The following TUBGCP6 variants were observed in gnomAD, a reference collection of about 807,000 sequenced individuals.
TUBGCP6 encodes gamma-tubulin complex component 6.
A neutral mutation model predicts 175.8 loss-of-function variants in TUBGCP6; 161 were observed. That is an observed-to-expected ratio of 0.92 (90% CI 0.81 to 1.04). TUBGCP6 has a LOEUF of 1.04. TUBGCP6 is among the 50% of genes least tolerant of loss of function. The probability of loss-of-function intolerance (pLI) is 0.00; values close to 1 mark genes in which losing one functional copy is unlikely to be tolerated. For missense variants in TUBGCP6, 2,572 were observed against 2,433.0 expected (o/e 1.06, Z -1.20); for synonymous variants, 1,173 against 1,030.5 (o/e 1.14, Z -2.65).
chr22:50,218,239 C>T lies in TUBGCP6; in HGVS notation c.5118G>A (p.Leu1706=), dbSNP rs1336230580. 5 of 1,612,848 alleles carry T rather than the reference C, an allele frequency of 3.1e-6. No individual in the cohort carries two copies. The highest frequency in any genetic ancestry group is 2.5e-6 in the Non-Finnish European group (3 of 1,179,956). ...CTGCGTGCGCACGCTGGATCTCCTCCAGGTCGCCCACGGTGGCCAACCTGG... is the reference window on the plus strand; with the variant it reads ...CTGCGTGCGCACGCTGGATCTCCTCTAGGTCGCCCACGGTGGCCAACCTGG... ...FRARLATVGD[L]EEIQRAHAEY... The change falls in exon 23 of 25, where the codon CTG becomes CTA. Residue 1706 remains leucine (L), a synonymous_variant. Transcript: ENST00000248846.
At chr22:50,231,905 A>T (rs543750582) in intron 3 of TUBGCP6, among the ~76,000 whole-genome samples, 3 of 151,982 alleles carry the variant, frequency 2.0e-5, no homozygotes, top group East Asian at 3.9e-4. Context: ...AAGAGAAAAA[A>T]ATCAAGTTAC....
chr22:50,219,884 C>A, intron 17 of TUBGCP6, 73 bp downstream of exon 17: 5 of 1,604,662 alleles, frequency 3.1e-6, no homozygotes, highest in Non-Finnish European at 4.3e-6. Flanking sequence ...ATGTGGGACC[C>A]ACCCGCGTGA....
intron 3 of TUBGCP6, among the ~76,000 whole-genome samples, chr22:50,233,069 C>A (rs1182331629): frequency 6.6e-6 from 1 of 152,242 alleles, no homozygotes; most frequent in South Asian, 2.1e-4. Flanking sequence ...TTTTCTATCG[C>A]TTTGCTGACA....
intron 3 of TUBGCP6, among the ~76,000 whole-genome samples, chr22:50,231,240 G>A (rs924899287): frequency 7.1e-6 from 1 of 141,612 alleles, no homozygotes; most frequent in Admixed American, 7.1e-5. Flanking sequence ...AATCACTTGA[G>A]GTCAGGAGTT....
chr22:50,238,784 G>A (rs1437453944), intron 2 of TUBGCP6, among the ~76,000 whole-genome samples: 3 of 152,162 alleles, frequency 2.0e-5, no homozygotes, highest in South Asian at 2.1e-4. Context: ...TGATCCACCC[G>A]CCTCAGCCTC....
In TUBGCP6 at chr22:50,233,043, A is replaced by T. The variant is rs17836661; in HGVS notation, c.1116+273T>A. Among the ~76,000 whole-genome samples, 2,790 of 152,362 alleles carry T rather than the reference A, an allele frequency of 0.018. 80 individuals are homozygous for T. The highest frequency in any genetic ancestry group is 0.13 in the East Asian group (684 of 5,178). On this transcript the variant is annotated intron_variant, in intron 3 of 24. Coordinates refer to ENST00000248846, the MANE Select transcript of TUBGCP6 (RefSeq NM_020461.4). Reference sequence around the variant, plus strand: ...CCTGGCACTTCAGGACGGAAATGGAAATGCGGGGAGGAACATTTTCTATCG... The same window carrying T: ...CCTGGCACTTCAGGACGGAAATGGATATGCGGGGAGGAACATTTTCTATCG...
Position 50,226,149 on chromosome 22 carries a change from T to C in TUBGCP6, c.1734A>G (p.Lys578=). 1 of 1,614,140 alleles carries C rather than the reference T, an allele frequency of 6.2e-7. No individual in the cohort carries two copies. The highest frequency in any genetic ancestry group is 1.1e-5 in the South Asian group (1 of 91,086). ...YWTHGYVLIS[K]EVEDCVPVFL... is the part of the protein sequence containing the mutation. ...ACACGGGAACACAGTCCTCCACCTCTTTGGAGATGAGCACGTAGCCATGTG... is the reference window on the plus strand; with the variant it reads ...ACACGGGAACACAGTCCTCCACCTCCTTGGAGATGAGCACGTAGCCATGTG... Residue 578 remains lysine (K), a synonymous_variant, in exon 9 of 25, where the codon AAA becomes AAG. Transcript: ENST00000248846.
At chr22:50,241,201 G>A (rs2064834647) in intron 1 of TUBGCP6, among the ~76,000 whole-genome samples, 2 of 152,190 alleles carry the variant, frequency 1.3e-5, no homozygotes, top group Non-Finnish European at 2.9e-5. Context: ...GCCATACAGA[G>A]ACAGGAGCTG....
Position 50,244,521 on chromosome 22 carries a change from G to A in TUBGCP6, c.-62C>T. On this transcript the variant is annotated 5_prime_UTR_variant, in exon 1 of 25. Coordinates refer to ENST00000248846, the MANE Select transcript of TUBGCP6 (RefSeq NM_020461.4). ...AACACCTCACCCGGGCTTCACTCACGCTCCGGAAGACAGGGAGTGAGAGAG... is the reference window on the plus strand; with the variant it reads ...AACACCTCACCCGGGCTTCACTCACACTCCGGAAGACAGGGAGTGAGAGAG... 1 of 1,514,480 alleles carries A rather than the reference G, an allele frequency of 6.6e-7. No homozygotes were observed. Among genetic ancestry groups the A allele is most frequent in the South Asian group, 1.3e-5 (1 of 79,632 alleles). 93.8% of individuals were successfully genotyped at this position (1,514,480 alleles called of 1,614,324 possible). A position where few individuals can be genotyped will look rare whatever the true frequency, so the allele number is the denominator to read the frequency against.
At chr22:50,237,851 G>A (rs1282375828) in intron 2 of TUBGCP6, among the ~76,000 whole-genome samples, 2 of 152,198 alleles carry the variant, frequency 1.3e-5, no homozygotes, top group Non-Finnish European at 2.9e-5. Flanking sequence ...CAGCCAGCAC[G>A]GTGGCTCATG....
rs200758224 is a variant in TUBGCP6, at chr22:50,219,670, C to T, written c.4289G>A (p.Arg1430Gln). The T allele has an allele frequency of 2.2e-5, 35 of 1,613,720 alleles. No homozygotes were observed. In the East Asian group the frequency reaches 2.5e-4, roughly 11 times the overall value. The change falls in exon 18 of 25, where the codon CGG becomes CAG. Residue 1430 changes from arginine (R) to glutamine (Q), a missense_variant. Coordinates refer to ENST00000248846, the MANE Select transcript of TUBGCP6 (RefSeq NM_020461.4). The stretch of plus-strand genomic sequence containing the variant: ...CATGGACTCGTAACTGTCCGGGTAC[C>T]GCTCCAAGTGGTACTGCCCTGCCAG... ...AGLAGQYHLERYPDSYESMSE... is the reference protein window; with the variant it reads ...AGLAGQYHLEQYPDSYESMSE...
chr22:50,233,250 T>C (rs1601599668), intron 3 of TUBGCP6, 66 bp downstream of exon 3: 8 of 1,554,824 alleles, frequency 5.1e-6, no homozygotes, highest in Non-Finnish European at 6.1e-6. Flanking sequence ...CATAAAGGGC[T>C]GGGCACTGCG....
intron 5 of TUBGCP6, 33 bp downstream of exon 5, chr22:50,227,874 A>C: frequency 1.9e-6 from 3 of 1,563,070 alleles, no homozygotes; most frequent in Non-Finnish European, 2.6e-6. Flanking sequence ...GCTCCCGCAA[A>C]GTCCCCTGCT....
At position 50,241,703 on chromosome 22, in the gene TUBGCP6, CT is replaced by C. The variant is rs2064840773; in HGVS notation, c.742-1337del. On this transcript the variant is annotated intron_variant, in intron 1 of 24. Coordinates refer to ENST00000248846, the MANE Select transcript of TUBGCP6 (RefSeq NM_020461.4). Reference sequence around the variant, plus strand: ...CGGCTGCCAAACAGGGAAGGGCCCCCTGTCCAGTTGACACGTGACCCACGTG... The same window carrying C: ...CGGCTGCCAAACAGGGAAGGGCCCCCGTCCAGTTGACACGTGACCCACGTG... 4.6e-5 allele frequency among the ~76,000 whole-genome samples: 7 copies of C among 152,342 alleles called. No homozygotes were observed. The South Asian group carries it at 1.2e-3, about 27-fold the overall frequency.
At position 50,225,483 on chromosome 22, in the gene TUBGCP6, G is replaced by A. The variant is rs143492517; in HGVS notation, c.1983+311C>T. 4.0e-3 allele frequency among the ~76,000 whole-genome samples: 613 copies of A among 152,188 alleles called. 1 individual carries two copies. The highest frequency in any genetic ancestry group is 7.0e-3 in the Non-Finnish European group (478 of 67,984). On this transcript the variant is annotated intron_variant, in intron 10 of 24. Transcript: ENST00000248846. ...GGGAGGCCCCAACGGAGTTTCCCAC[G>A]CCAGCAAAGCCTGGGCTTCAGGCTG...
At chr22:50,219,020 C>G (rs776019851) in intron 20 of TUBGCP6, 48 bp downstream of exon 20, 3 of 1,605,412 alleles carry the variant, frequency 1.9e-6, no homozygotes, top group South Asian at 2.2e-5. Context: ...CTCTCTTTTC[C>G]CACGGCCTCC....
chr22:50,240,323 T>C lies in TUBGCP6; in HGVS notation c.786A>G (p.Ser262=). 1 of 1,613,966 alleles carries C rather than the reference T, an allele frequency of 6.2e-7. No individual in the cohort carries two copies. The highest frequency in any genetic ancestry group is 1.6e-4 in the Middle Eastern group (1 of 6,062). The change falls in exon 2 of 25, where the codon TCA becomes TCG. Residue 262 remains serine, a synonymous_variant. Coordinates refer to ENST00000248846, the MANE Select transcript of TUBGCP6 (RefSeq NM_020461.4). ...VDQWEDEGFQ[S]ASNLTPDSQS... is the part of the protein sequence containing the mutation. ...GGGAATCAGGAGTCAAGTTGGACGC[T>C]GACTGGAATCCTTCGTCTTCCCACT...
chr22:50,231,800 G>T (rs373452027), intron 3 of TUBGCP6, among the ~76,000 whole-genome samples: 1 of 146,384 alleles, frequency 6.8e-6, no homozygotes. Context: ...GCGGAGCTTG[G>T]AGTGAGCCGA....
Position 50,219,093 on chromosome 22 carries a change from G to T in TUBGCP6, c.4601C>A (p.Ser1534Tyr), listed in dbSNP as rs373901617. The stretch of plus-strand genomic sequence containing the variant: ...CTTCTCAAAGAGCAGGTCGCTGAGG[G>T]ACTGGGCGAACTCGCCGTCCTCCAT... ...LLMEDGEFAQ[S>Y]LSDLLFEKLG... The change falls in exon 20 of 25, where the codon TCC (serine) becomes TAC (tyrosine). Residue 1534 changes from serine (S) to tyrosine (Y), a missense_variant. Transcript: ENST00000248846. 12 of 1,612,640 alleles carry T rather than the reference G, an allele frequency of 7.4e-6. No homozygotes were observed. The African/African-American group carries it at 1.5e-4, about 20-fold the overall frequency.
Sources: gnomAD v4.1 joint callset for allele counts (sites outside exome capture counted in the v4.1 genomes callset) on GRCh38, gnomAD v4.1.1 for gene constraint, MANE v1.5 for transcripts, NCBI Gene and HGNC (gene_info 2026-07-23, HGNC 2026-07-21) for gene names.